PDGFC: variants seen among roughly 807,000 people sequenced by gnomAD.
The protein encoded by PDGFC is platelet derived growth factor C.
Under a neutral mutation model 35.5 loss-of-function variants are expected in PDGFC, and 12 were observed. The observed-to-expected ratio is 0.34, with a 90% CI of 0.22 to 0.55. The LOEUF is 0.55. Among genes scored for constraint, PDGFC ranks in the 20% least tolerant of loss-of-function variants. The pLI is 0.91. For missense variants in PDGFC, 322 were observed against 412.4 expected (o/e 0.78, Z 1.90); for synonymous variants, 159 against 148.8 (o/e 1.07, Z -0.50).
At chr4:156,825,607 A>AGAAGAAGAG (rs1732441036) in intron 2 of PDGFC, among the ~76,000 whole-genome samples, 1 of 124,310 alleles carries the variant, frequency 8.0e-6, no homozygotes, top group Non-Finnish European at 1.8e-5. Flanking sequence ...AAGAAGAAGA[A>AGAAGAAGAG]GAAGAAGAAG....
intron 2 of PDGFC, among the ~76,000 whole-genome samples, chr4:156,824,309 TATATATATATATATATATAC>T (rs1344383758): frequency 4.0e-4 from 17 of 42,404 alleles, no homozygotes; most frequent in African/African-American, 1.0e-3. Context: ...TATATATATA[TATATATATATATATATATAC>T]ACACACACAC....
At chr4:156,965,762 A>T (rs1732450803) in intron 1 of PDGFC, among the ~76,000 whole-genome samples, 1 of 152,104 alleles carries the variant, frequency 6.6e-6, no homozygotes, top group Non-Finnish European at 1.5e-5. Context: ...ACCCCTTCTT[A>T]CTCCAGGTCC....
chr4:156,825,703 A>G (rs997761031), intron 2 of PDGFC, among the ~76,000 whole-genome samples: 1 of 151,542 alleles, frequency 6.6e-6, no homozygotes, highest in Non-Finnish European at 1.5e-5. Flanking sequence ...TGTTCCAGGT[A>G]TAAGAAACTT....
intron 1 of PDGFC, among the ~76,000 whole-genome samples, chr4:156,898,322 CTATGGTAGTTTGT>C (rs1301664310): frequency 1.3e-5 from 2 of 152,070 alleles, no homozygotes; most frequent in Non-Finnish European, 2.9e-5. Flanking sequence ...GCCACCCTTT[CTATGGTAGTTTGT>C]TATAGCACCT....
intron 1 of PDGFC, among the ~76,000 whole-genome samples, chr4:156,879,838 T>C (rs927259594): frequency 2.6e-5 from 4 of 152,226 alleles, no homozygotes; most frequent in Non-Finnish European, 4.4e-5. Context: ...CTTTCAAGGA[T>C]ACAACTTTCT....
In PDGFC at chr4:156,767,968, T is replaced by C. The variant is rs1457022886; in HGVS notation, c.726A>G (p.Thr242=). ...TGCAGCTGTATAATCTTACCTCCTC[T>C]GTTAGAAGGTTCAGATCCACCACTA... ...KSRVVDLNLL[T]EEVRLYSCTP... The change falls in exon 5 of 6, where the codon ACA becomes ACG. Residue 242 remains threonine (T), a synonymous_variant. Transcript: ENST00000502773. The C allele has an allele frequency of 1.9e-6, 3 of 1,607,470 alleles. No homozygotes were observed. The highest frequency in any genetic ancestry group is 2.6e-6 in the Non-Finnish European group (3 of 1,174,228).
intron 3 of PDGFC, among the ~76,000 whole-genome samples, chr4:156,783,876 T>C (rs1037511256): frequency 4.6e-5 from 7 of 152,110 alleles, no homozygotes; most frequent in Admixed American, 4.6e-4. Context: ...TACATGACCA[T>C]GGTAGAACCA....
intron 1 of PDGFC, among the ~76,000 whole-genome samples, chr4:156,886,450 T>C (rs185327129): frequency 9.2e-5 from 14 of 152,366 alleles, no homozygotes; most frequent in Non-Finnish European, 1.8e-4. Flanking sequence ...TTTTGTTTAG[T>C]AGATTCTAGA....
At chr4:156,794,688 A>T (rs180702134) in intron 3 of PDGFC, among the ~76,000 whole-genome samples, 1 of 152,160 alleles carries the variant, frequency 6.6e-6, no homozygotes, top group East Asian at 1.9e-4. Flanking sequence ...CTAGTAGAAC[A>T]CTCACTCCTT....
intron 2 of PDGFC, among the ~76,000 whole-genome samples, chr4:156,825,704 T>A (rs1031029223): frequency 2.0e-5 from 3 of 151,512 alleles, no homozygotes; most frequent in African/African-American, 7.3e-5. Context: ...GTTCCAGGTA[T>A]AAGAAACTTG....
At chr4:156,845,586 T>C (rs1374134082) in intron 2 of PDGFC, among the ~76,000 whole-genome samples, 1 of 151,830 alleles carries the variant, frequency 6.6e-6, no homozygotes, top group East Asian at 1.9e-4. Context: ...AAAATAATTA[T>C]TGTCTATAGA....
chr4:156,771,524 G>A (rs1349290042), intron 4 of PDGFC, among the ~76,000 whole-genome samples: 1 of 152,104 alleles, frequency 6.6e-6, no homozygotes, highest in Non-Finnish European at 1.5e-5. Context: ...ATCTGGACAG[G>A]ACTCAACTGC....
intron 1 of PDGFC, among the ~76,000 whole-genome samples, chr4:156,912,377 C>T (rs548590665): frequency 6.6e-6 from 1 of 152,194 alleles, no homozygotes; most frequent in East Asian, 1.9e-4. Flanking sequence ...ATTACATGCT[C>T]AAATGCACAA....
intron 1 of PDGFC, among the ~76,000 whole-genome samples, chr4:156,910,834 G>C (rs1579094008): frequency 6.6e-6 from 1 of 152,072 alleles, no homozygotes; most frequent in South Asian, 2.1e-4. Context: ...GACATCTGTA[G>C]ATCCCTTTTC....
rs188889820 is a variant in PDGFC at position 156,788,989 on chromosome 4, A to G, written c.496-16096T>C. Among the ~76,000 whole-genome samples, 511 of 152,308 alleles carry G rather than the reference A, an allele frequency of 3.4e-3. 2 individuals carry two copies. Among genetic ancestry groups the G allele is most frequent in the African/African-American group, 0.012 (490 of 41,558 alleles). The stretch of plus-strand genomic sequence containing the variant: ...GTTAGTTTGTTCTTGGGTTTTGAGT[A>G]TAGAATTATATAATTGTTGACACAA... On this transcript the variant is annotated intron_variant, in intron 3 of 5. Coordinates refer to ENST00000502773, the MANE Select transcript of PDGFC (RefSeq NM_016205.3).
chr4:156,856,712 A>G (rs2111101261), intron 1 of PDGFC, among the ~76,000 whole-genome samples: 1 of 152,270 alleles, frequency 6.6e-6, no homozygotes, highest in East Asian at 1.9e-4. Flanking sequence ...AAACAATTTT[A>G]CATATCACTT....
chr4:156,871,637 C>A (rs571272447), intron 1 of PDGFC, among the ~76,000 whole-genome samples: 1 of 151,850 alleles, frequency 6.6e-6, no homozygotes, highest in Non-Finnish European at 1.5e-5. Flanking sequence ...GCAAATTAGT[C>A]GAGACACACC....
intron 1 of PDGFC, among the ~76,000 whole-genome samples, chr4:156,863,823 A>G (rs1334104575): frequency 6.6e-6 from 1 of 152,164 alleles, no homozygotes; most frequent in Non-Finnish European, 1.5e-5. Context: ...GATGAGGGTT[A>G]AAAATATGAA....
At chr4:156,905,158 T>C (rs1415032640) in intron 1 of PDGFC, among the ~76,000 whole-genome samples, 1 of 152,064 alleles carries the variant, frequency 6.6e-6, no homozygotes, top group African/African-American at 2.4e-5. Flanking sequence ...TAGGCTTAGA[T>C]TGAGAAATAA....
Sources: gnomAD v4.1 joint callset for allele counts (sites outside exome capture counted in the v4.1 genomes callset) on GRCh38, gnomAD v4.1.1 for gene constraint, MANE v1.5 for transcripts, NCBI Gene and HGNC (gene_info 2026-07-23, HGNC 2026-07-21) for gene names.